Variants in CFAP77 observed in about 807,000 individuals in gnomAD.
The protein encoded by CFAP77 is cilia and flagella associated protein 77.
A neutral mutation model predicts 31.1 loss-of-function variants in CFAP77; 25 were observed. That is an observed-to-expected ratio of 0.80 (90% CI 0.59 to 1.12). CFAP77 has a LOEUF of 1.12. CFAP77 is among the 50% of genes most tolerant of loss of function. The pLI, the probability that CFAP77 is intolerant of heterozygous loss-of-function variation, is 0.00. For synonymous variants in CFAP77, 151 were observed against 159.9 expected (o/e 0.94, Z 0.42); for missense variants, 377 against 397.3 (o/e 0.95, Z 0.44).
intron 1 of CFAP77, among the ~76,000 whole-genome samples, chr9:132,451,375 A>G (rs1055185221): frequency 1.3e-5 from 2 of 151,214 alleles, no homozygotes; most frequent in Admixed American, 1.3e-4. Context: ...CATGAATTGG[A>G]TGTGGGTAGT....
intron 1 of CFAP77, among the ~76,000 whole-genome samples, chr9:132,468,360 A>G (rs1824626668): frequency 6.6e-6 from 1 of 152,010 alleles, no homozygotes; most frequent in African/African-American, 2.4e-5. Flanking sequence ...ACAAAAAACC[A>G]CAGATTAGAA....
intron 1 of CFAP77, among the ~76,000 whole-genome samples, chr9:132,440,432 C>T (rs962036024): frequency 2.0e-5 from 3 of 152,182 alleles, no homozygotes; most frequent in Non-Finnish European, 4.4e-5. Context: ...TGCATTCTCT[C>T]ATCAAATCCT....
intron 5 of CFAP77, among the ~76,000 whole-genome samples, chr9:132,567,720 G>T (rs182039240): frequency 6.6e-6 from 1 of 152,240 alleles, no homozygotes; most frequent in Admixed American, 6.5e-5. Flanking sequence ...TCAAAGTGTC[G>T]TCAGGGCCAC....
intron 1 of CFAP77, among the ~76,000 whole-genome samples, chr9:132,419,579 C>A (rs1047409138): frequency 3.9e-5 from 6 of 152,146 alleles, no homozygotes; most frequent in African/African-American, 1.4e-4. Context: ...TGAATTTGGC[C>A]GTGTCACCAC....
chr9:132,535,376 C>T (rs565868241), intron 3 of CFAP77, among the ~76,000 whole-genome samples: 8 of 152,284 alleles, frequency 5.3e-5, no homozygotes, highest in East Asian at 1.9e-4. Context: ...TTTTTATCCT[C>T]GGGATATCTT....
chr9:132,536,131 T>A lies in CFAP77; in HGVS notation c.525-1470T>A, dbSNP rs538065257. 2.6e-5 allele frequency among the ~76,000 whole-genome samples: 4 copies of A among 152,260 alleles called. No homozygotes were observed. In the East Asian group the frequency reaches 7.7e-4, roughly 29 times the overall value. ...TATGGGGGCATCCTATGGGACTGGT[T>A]AGGGGTGCTTATTTAGTTTTCTCTG... On this transcript the variant is annotated intron_variant, in intron 3 of 5. Transcript: ENST00000393216.
At chr9:132,456,006 T>C (rs1261797713) in intron 1 of CFAP77, among the ~76,000 whole-genome samples, 2 of 152,200 alleles carry the variant, frequency 1.3e-5, no homozygotes, top group Admixed American at 6.5e-5. Flanking sequence ...ACATTCCTGG[T>C]GGCACTGCCG....
intron 5 of CFAP77, among the ~76,000 whole-genome samples, chr9:132,557,719 C>T (rs1226645864): frequency 6.6e-6 from 1 of 152,124 alleles, no homozygotes; most frequent in Non-Finnish European, 1.5e-5. Flanking sequence ...ACAAGGCTGC[C>T]GGGAGTCCAT....
Position 132,554,158 on chromosome 9 carries a change from A to T in CFAP77, c.732+11111A>T, listed in dbSNP as rs1236322976. On this transcript the variant is annotated intron_variant, in intron 5 of 5. Coordinates refer to ENST00000393216, the MANE Select transcript of CFAP77 (RefSeq NM_001282957.2). This position sits in a 1 kb window ranked among gnomAD's most constrained non-coding sequence, Gnocchi z 4.1. ...TGAGCTCTGTGGAACTCAAAGCCCT[A>T]TGTCCCTAATCATCGAGTGCACTGT... Among the ~76,000 whole-genome samples the T allele has an allele frequency of 6.6e-6, 1 of 152,130 alleles. No individual in the cohort carries two copies. Among genetic ancestry groups the T allele is most frequent in the Non-Finnish European group, 1.5e-5 (1 of 68,030 alleles).
intron 1 of CFAP77, among the ~76,000 whole-genome samples, chr9:132,496,219 A>C (rs1214675835): frequency 6.6e-6 from 1 of 152,108 alleles, no homozygotes; most frequent in Non-Finnish European, 1.5e-5. Context: ...AAAAAACCTT[A>C]AAAAATAAAG....
chr9:132,438,519 G>T (rs113226726), intron 1 of CFAP77, among the ~76,000 whole-genome samples: 1,653 of 114,820 alleles, frequency 0.014, 41 homozygotes, highest in African/African-American at 0.023. Context: ...AACAGATATG[G>T]TATATATATA....
rs548635417 is a variant in CFAP77 at position 132,419,397 on chromosome 9, G to A, written c.195+8931G>A. On this transcript the variant is annotated intron_variant, in intron 1 of 5. Coordinates refer to ENST00000393216, the MANE Select transcript of CFAP77 (RefSeq NM_001282957.2). Reference sequence around the variant, plus strand: ...AATAGCACAGCGTCTAAGCTGTGCCGTGGCGTCAGAGAAGCAGCCCCAGGG... The same window carrying A: ...AATAGCACAGCGTCTAAGCTGTGCCATGGCGTCAGAGAAGCAGCCCCAGGG... Among the ~76,000 whole-genome samples the A allele has an allele frequency of 3.3e-5, 5 of 152,308 alleles. No homozygotes were observed. In the South Asian group the frequency reaches 8.3e-4, roughly 25 times the overall value.
chr9:132,537,840 T>C lies in CFAP77; in HGVS notation c.630+134T>C. 7.5e-6 allele frequency: 5 copies of C among 665,630 alleles called. No homozygotes were observed. The South Asian group carries it at 9.5e-5, about 13-fold the overall frequency. The allele number at this position is 665,630 out of a possible 1,614,324, so 41.2% of individuals were successfully genotyped here. On this transcript the variant is annotated intron_variant, in intron 4 of 5. Coordinates refer to ENST00000393216, the MANE Select transcript of CFAP77 (RefSeq NM_001282957.2). ...ATGAGTGGGAAATCAGGTTGCATCT[T>C]CTGCCCAGCATCAGAGAATCTACAG...
At chr9:132,503,849 G>C (rs935702998) in intron 3 of CFAP77, among the ~76,000 whole-genome samples, 3 of 152,122 alleles carry the variant, frequency 2.0e-5, no homozygotes, top group Non-Finnish European at 2.9e-5. Context: ...AGGAGTTCGA[G>C]ACCAGCCTGG....
intron 1 of CFAP77, among the ~76,000 whole-genome samples, chr9:132,417,511 C>A (rs556923449): frequency 2.7e-4 from 41 of 152,346 alleles, no homozygotes; most frequent in Non-Finnish European, 5.0e-4. Flanking sequence ...GGAAGGCCAG[C>A]AGTGTGGTAT....
intron 1 of CFAP77, among the ~76,000 whole-genome samples, chr9:132,432,013 G>A (rs951117187): frequency 4.6e-5 from 7 of 152,238 alleles, no homozygotes; most frequent in Admixed American, 2.0e-4. Context: ...GCCTGTGAAC[G>A]TCATAGGCAC....
chr9:132,472,829 C>A (rs910548325), intron 1 of CFAP77, among the ~76,000 whole-genome samples: 1 of 152,126 alleles, frequency 6.6e-6, no homozygotes, highest in Admixed American at 6.5e-5. Flanking sequence ...GCTGTGTGCC[C>A]GGCTCTGGGA....
At chr9:132,557,436 C>G (rs1467320449) in intron 5 of CFAP77, among the ~76,000 whole-genome samples, 1 of 152,214 alleles carries the variant, frequency 6.6e-6, no homozygotes, top group African/African-American at 2.4e-5. Context: ...CCCAGCACAG[C>G]CAGGGATGAG....
At position 132,471,820 on chromosome 9, in the gene CFAP77, C is replaced by T. The variant is rs1211118319; in HGVS notation, c.196-26875C>T. Among the ~76,000 whole-genome samples the T allele has an allele frequency of 2.0e-5, 3 of 152,110 alleles. No individual in the cohort carries two copies. In the East Asian group the frequency reaches 5.8e-4, roughly 29 times the overall value. On this transcript the variant is annotated intron_variant, in intron 1 of 5. Transcript: ENST00000393216. Reference sequence around the variant, plus strand: ...GGCTCAAGCTATCCTCCCACCTCAGCCTCTGGAATAGATAGGACTATAGGC... The same window carrying T: ...GGCTCAAGCTATCCTCCCACCTCAGTCTCTGGAATAGATAGGACTATAGGC...
Sources: gnomAD v4.1 joint callset for allele counts (sites outside exome capture counted in the v4.1 genomes callset) on GRCh38, gnomAD v4.1.1 for gene constraint, Gnocchi (gnomAD v3.1) non-coding constraint, MANE v1.5 for transcripts, NCBI Gene and HGNC (gene_info 2026-07-23, HGNC 2026-07-21) for gene names.